The following NOL7 variants were observed in gnomAD, a reference collection of about 807,000 sequenced individuals.
The protein encoded by NOL7 is U3 small nucleolar RNA-associated protein NOL7.
NOL7 carries 36 observed loss-of-function variants against 38.4 expected under a neutral mutation model. The ratio of observed to expected loss-of-function variants is 0.94; its 90% CI spans 0.72 to 1.24. The LOEUF is 1.24. NOL7 is among the 50% of genes most tolerant of loss of function. The pLI, the probability that NOL7 is intolerant of heterozygous loss-of-function variation, is 0.00. For missense variants in NOL7, 350 were observed against 315.1 expected, an observed-to-expected ratio of 1.11 and a Z score of -0.84; for synonymous variants, 142 against 126.5, an observed-to-expected ratio of 1.12 and a Z score of -0.82.
chr6:13,618,942 C>T (rs1463113317), intron 5 of NOL7, among the ~76,000 whole-genome samples: 1 of 152,218 alleles, frequency 6.6e-6, no homozygotes, highest in East Asian at 1.9e-4. Flanking sequence ...AACACTTTGT[C>T]TTTGCAGGTC....
chr6:13,615,449 G>C lies in NOL7; in HGVS notation c.91G>C (p.Ala31Pro). 6.5e-7 allele frequency: 1 copy of C among 1,549,926 alleles called. No homozygotes were observed. Residue 31 changes from alanine to proline, a missense_variant, in exon 1 of 8, where the codon GCG (alanine) becomes CCG (proline). Ala to Pro is a conservative substitution (Grantham distance 27). Transcript: ENST00000451315. ...CCAGCTGGCCTCGGAGGAGGAGGAG[G>C]CGGAGCACGGGCTGTTGCTCGGGCA... The part of the protein sequence containing the change: ...EGQLASEEEE[A>P]EHGLLLGQPS...
intron 8 of NOL7, among the ~76,000 whole-genome samples, chr6:13,627,104 T>A (rs532950430): frequency 1.3e-5 from 2 of 152,294 alleles, no homozygotes; most frequent in East Asian, 3.9e-4. Flanking sequence ...AAGATAAAAA[T>A]TATTTACTAT....
downstream of NOL7, chr6:13,625,814 T>C: frequency 7.8e-7 from 1 of 1,286,008 alleles, no homozygotes; most frequent in East Asian, 2.3e-5. Context: ...TCAACTATTA[T>C]GCTCACAAAT....
At chr6:13,616,286 A>G (rs1460641567) in intron 2 of NOL7, among the ~76,000 whole-genome samples, 177 bp from the exon 3 acceptor site, 2 of 152,180 alleles carry the variant, frequency 1.3e-5, no homozygotes, top group Admixed American at 6.5e-5. Context: ...CTTTCAGAGA[A>G]TGTGGAGTTT....
At chr6:13,617,628 C>A in intron 3 of NOL7, 142 bp from the exon 4 acceptor site, 1 of 709,736 alleles carries the variant, frequency 1.4e-6, no homozygotes, top group East Asian at 2.7e-5. Flanking sequence ...GCTTTCCAAA[C>A]TGATGAGAGC....
intron 5 of NOL7, among the ~76,000 whole-genome samples, chr6:13,618,588 C>G (rs1484704789): frequency 6.6e-6 from 1 of 152,156 alleles, no homozygotes; most frequent in African/African-American, 2.4e-5. Flanking sequence ...ATTGTCGTCT[C>G]TGTGGAAAAA....
chr6:13,625,134 C>A (rs1003422291), downstream of NOL7, among the ~76,000 whole-genome samples: 1 of 152,200 alleles, frequency 6.6e-6, no homozygotes, highest in Non-Finnish European at 1.5e-5. Context: ...CTCTTTTCTT[C>A]AAATGTACCC....
Position 13,616,455 on chromosome 6 carries a change from T to G in NOL7, c.328-8T>G. 1 of 1,600,436 alleles carries G rather than the reference T, an allele frequency of 6.2e-7. No individual in the cohort carries two copies. The highest frequency in any genetic ancestry group is 8.5e-7 in the Non-Finnish European group (1 of 1,171,794). ...TTCTATTAATTTTAAACGTTTTCAT[T>G]CCAAAAGAAAAGAAAACTCCTTCCA... On this transcript the variant is annotated splice_polypyrimidine_tract_variant and splice_region_variant and intron_variant, in intron 2 of 7. Transcript: ENST00000451315.
chr6:13,631,324 T>C (rs143162950), intron 8 of NOL7, among the ~76,000 whole-genome samples: 231 of 152,326 alleles, frequency 1.5e-3, no homozygotes, highest in Non-Finnish European at 2.4e-3. Flanking sequence ...AGGTGCTCTA[T>C]AACACATCCT....
chr6:13,625,800 T>G (rs778322008), downstream of NOL7: 4 of 1,388,638 alleles, frequency 2.9e-6, no homozygotes, highest in Non-Finnish European at 4.1e-6. Flanking sequence ...TTAATTCAAA[T>G]AGTTCAACTA....
downstream of NOL7, among the ~76,000 whole-genome samples, chr6:13,626,171 T>C (rs1233322494): frequency 1.3e-5 from 2 of 152,190 alleles, no homozygotes; most frequent in African/African-American, 4.8e-5. Context: ...TCAACAGATT[T>C]AGGAACTGGA....
rs547639426 is a variant in NOL7, at chr6:13,621,669, A to G, written c.*842A>G. The G allele has an allele frequency of 6.5e-6, 1 of 152,780 alleles. No homozygotes were observed. The highest frequency in any genetic ancestry group is 6.5e-5 in the Admixed American group (1 of 15,296). The allele number at this position is 152,780 out of a possible 1,614,324, so 9.5% of individuals were successfully genotyped here. On this transcript the variant is annotated 3_prime_UTR_variant, in exon 8 of 8. Coordinates refer to ENST00000451315, the MANE Select transcript of NOL7 (RefSeq NM_016167.5). ...AATAAAGGTCATAACCACACCGTTG[A>G]CATGTAATACTGTTATAATACAACA...
chr6:13,619,726 GAACAA>G (rs1268163838), intron 5 of NOL7, among the ~76,000 whole-genome samples: 6 of 152,228 alleles, frequency 3.9e-5, no homozygotes, highest in African/African-American at 1.4e-4. Context: ...TTCAACTGAT[GAACAA>G]AACCACCATG....
intron 8 of NOL7, among the ~76,000 whole-genome samples, chr6:13,627,102 A>G (rs1764629884): frequency 6.6e-6 from 1 of 152,172 alleles, no homozygotes. Context: ...TGAAGATAAA[A>G]ATTATTTACT....
At position 13,620,281 on chromosome 6, in the gene NOL7, G is replaced by A; in HGVS notation, c.574G>A (p.Ala192Thr). The stretch of plus-strand genomic sequence containing the variant: ...AGATTCAAGGCAACAAGCAGCACAA[G>A]CCTTCATACATAATTCATTATATGG... ...LRDSRQQAAQ[A>T]FIHNSLYGPG... The change falls in exon 6 of 8, where the codon GCC becomes ACC. Residue 192 changes from alanine to threonine, a missense_variant. By Grantham distance (58) the Ala-to-Thr change is moderately conservative. Transcript: ENST00000451315. The A allele has an allele frequency of 6.2e-7, 1 of 1,614,190 alleles. No individual in the cohort carries two copies. The highest frequency in any genetic ancestry group is 1.1e-5 in the South Asian group (1 of 91,086).
At chr6:13,625,172 C>A (rs928793748), downstream of NOL7, among the ~76,000 whole-genome samples, 53 of 152,158 alleles carry the variant, frequency 3.5e-4, no homozygotes, top group African/African-American at 1.3e-3. Flanking sequence ...ACTCTTGTGA[C>A]AATTATTAAT....
At position 13,620,318 on chromosome 6, in the gene NOL7, A is replaced by C; in HGVS notation, c.611A>C (p.Asn204Thr). The C allele has an allele frequency of 6.2e-7, 1 of 1,614,080 alleles. No homozygotes were observed. The highest frequency in any genetic ancestry group is 1.1e-5 in the South Asian group (1 of 91,060). Residue 204 changes from asparagine (N) to threonine (T), a missense_variant, in exon 6 of 8, where the codon AAC becomes ACC. Transcript: ENST00000451315. ...IHNSLYGPGT[N>T]RTTVNKFLSL... ...AATTCATTATATGGGCCAGGAACCAACAGGACTACTGGTAATTTTTTTATG... is the reference window on the plus strand; with the variant it reads ...AATTCATTATATGGGCCAGGAACCACCAGGACTACTGGTAATTTTTTTATG...
Position 13,618,033 on chromosome 6 carries a change from TAGAA to T in NOL7, c.419-23_419-20del, listed in dbSNP as rs780813467. 7 of 1,302,510 alleles carry T rather than the reference TAGAA, an allele frequency of 5.4e-6. No homozygotes were observed. The South Asian group carries it at 7.3e-5, about 14-fold the overall frequency. The allele number at this position is 1,302,510 out of a possible 1,614,324, so 80.7% of individuals were successfully genotyped here. A position where few individuals can be genotyped will look rare whatever the true frequency, so the allele number is the denominator to read the frequency against. ...GATTTATTTTTACGTGAATGCTAAT[TAGAA>T]AATGTAACTCTATTTTTTAGTTAAT... On this transcript the variant is annotated intron_variant, in intron 4 of 7. Transcript: ENST00000451315.
intron 8 of NOL7, among the ~76,000 whole-genome samples, chr6:13,627,775 A>G (rs891496665): frequency 1.3e-5 from 2 of 152,198 alleles, no homozygotes; most frequent in African/African-American, 4.8e-5. Flanking sequence ...AATTTTTCCA[A>G]GGAATACTTG....
Sources: gnomAD v4.1 joint callset for allele counts (sites outside exome capture counted in the v4.1 genomes callset) on GRCh38, gnomAD v4.1.1 for gene constraint, MANE v1.5 for transcripts, NCBI Gene and HGNC (gene_info 2026-07-23, HGNC 2026-07-21) for gene names.